NFATC2IP: variants seen among roughly 807,000 people sequenced by gnomAD.
The protein encoded by NFATC2IP is nuclear factor of activated T cells 2 interacting protein, also known as NFATC2-interacting protein.
Under a neutral mutation model 40.2 loss-of-function variants are expected in NFATC2IP, and 25 were observed. The observed-to-expected ratio is 0.62, with a 90% confidence interval of 0.45 to 0.87. NFATC2IP has a LOEUF of 0.87. NFATC2IP is among the 40% of genes least tolerant of loss of function. NFATC2IP has a pLI of 0.00. For synonymous variants in NFATC2IP, 241 were observed against 236.3 expected, an observed-to-expected ratio of 1.02 and a Z score of -0.18; for missense variants, 553 against 555.6, an observed-to-expected ratio of 1.00 and a Z score of 0.05.
In NFATC2IP at chr16:28,966,444, T is replaced by TAAAAAAAAAAAAAA. The variant is rs869184973; in HGVS notation, c.*2589_*2602dup. ...GGCAACACAGCGAGACCTTGTCTCTTAAAAAAAAAAAAAAAAAAAAATGAG... is the reference window on the plus strand; with the variant it reads ...GGCAACACAGCGAGACCTTGTCTCTTAAAAAAAAAAAAAAAAAAAAAAAAAAAAAAAAAAATGAG... On this transcript the variant is annotated 3_prime_UTR_variant, in exon 8 of 8. Coordinates refer to ENST00000320805, the MANE Select transcript of NFATC2IP (RefSeq NM_032815.4). 4.1e-5 allele frequency: 5 copies of TAAAAAAAAAAAAAA among 122,100 alleles called. No individual in the cohort carries two copies. Among genetic ancestry groups the TAAAAAAAAAAAAAA allele is most frequent in the African/African-American group, 1.6e-4 (5 of 31,536 alleles). 7.6% of individuals were successfully genotyped at this position (122,100 alleles called of 1,614,324 possible). A position where few individuals can be genotyped will look rare whatever the true frequency, so the allele number is the denominator to read the frequency against.
At position 28,951,229 on chromosome 16, in the gene NFATC2IP, TGGAGCCCCC is replaced by T. The variant is rs954180735; in HGVS notation, c.230_238del (p.Glu77_Pro79del). The stretch of plus-strand genomic sequence containing the variant: ...CGCGGTGCCGCGGACGAGGTTGAGG[TGGAGCCCCC>T]GGAGCCCCCGGGGCCGGTCGCGTCC... On this transcript the variant is annotated inframe_deletion, in exon 1 of 8. Coordinates refer to ENST00000320805, the MANE Select transcript of NFATC2IP (RefSeq NM_032815.4). 1.7e-5 allele frequency: 26 copies of T among 1,521,388 alleles called. No individual in the cohort carries two copies. Among genetic ancestry groups the T allele is most frequent in the Middle Eastern group, 3.4e-4 (2 of 5,914 alleles). 94.2% of individuals were successfully genotyped at this position (1,521,388 alleles called of 1,614,324 possible).
chr16:28,958,728 G>C lies in NFATC2IP; in HGVS notation c.858G>C (p.Leu286=). The C allele has an allele frequency of 6.2e-7, 1 of 1,612,348 alleles. No individual in the cohort carries two copies. The change falls in exon 6 of 8, where the codon CTG becomes CTC. Residue 286 remains leucine (L), a synonymous_variant. Coordinates refer to ENST00000320805, the MANE Select transcript of NFATC2IP (RefSeq NM_032815.4). ...GTCCCCATCCCTAGTCGGAGCCCCT[G>C]CAGAGTGTGGTGGACCACATGGCCA... ...VRLPLRMSEP[L]QSVVDHMATH...
At position 28,954,660 on chromosome 16, in the gene NFATC2IP, G is replaced by T. The variant is rs965077170; in HGVS notation, c.556G>T (p.Glu186Ter). 1.2e-6 allele frequency: 2 copies of T among 1,613,268 alleles called. No homozygotes were observed. Among genetic ancestry groups the T allele is most frequent in the Non-Finnish European group, 1.7e-6 (2 of 1,179,462 alleles). ...AAAGCTGAGGACTAAGGATAAAGAA[G>T]AGAAGAAAAAGACAGAGTTTCTGTG... Reference protein sequence around the residue: ...KTKLRTKDKEEKKKTEFLDLD... With the variant: ...KTKLRTKDKE Residue 186 changes from glutamate to a stop codon, truncating the protein, a stop_gained, in exon 3 of 8, where the codon GAG (glutamate) becomes TAG (stop). Transcript: ENST00000320805. LOFTEE classifies it high-confidence loss of function.
chr16:28,960,537 CCTCT>C lies in NFATC2IP; in HGVS notation c.1101+1450_1101+1453del, dbSNP rs146797833. On this transcript the variant is annotated intron_variant, in intron 7 of 7. Coordinates refer to ENST00000320805, the MANE Select transcript of NFATC2IP (RefSeq NM_032815.4). ...GTATGGTCCATTCTGGGACAAAATT[CCTCT>C]CTCTCTCTCTCTGCGGACCCGTGAA... Among the ~76,000 whole-genome samples the C allele has an allele frequency of 1.3e-4, 20 of 150,266 alleles. No individual in the cohort carries two copies. In the East Asian group the frequency reaches 1.6e-3, roughly 12 times the overall value.
chr16:28,963,655 C>A, intron 7 of NFATC2IP, 50 bp from the exon 8 acceptor site: 1 of 1,566,654 alleles, frequency 6.4e-7, no homozygotes, highest in Non-Finnish European at 8.8e-7. Context: ...CCTACGGGAT[C>A]CCCGCCCCCT....
At chr16:28,961,726 C>G (rs887363279) in intron 7 of NFATC2IP, among the ~76,000 whole-genome samples, 1 of 151,924 alleles carries the variant, frequency 6.6e-6, no homozygotes, top group Non-Finnish European at 1.5e-5. Context: ...TGGTGAAACC[C>G]TGTCTCTACT....
chr16:28,961,982 C>T (rs1299597271), intron 7 of NFATC2IP, among the ~76,000 whole-genome samples: 1 of 151,940 alleles, frequency 6.6e-6, no homozygotes, highest in South Asian at 2.1e-4. Context: ...TGGCTTACCA[C>T]AGCCTCAAAC....
intron 7 of NFATC2IP, among the ~76,000 whole-genome samples, chr16:28,963,177 C>G (rs528101724): frequency 6.6e-6 from 1 of 152,180 alleles, no homozygotes; most frequent in African/African-American, 2.4e-5. Context: ...CCAGTACAAC[C>G]TCAACTTGAT....
At position 28,956,039 on chromosome 16, in the gene NFATC2IP, C is replaced by G; in HGVS notation, c.640C>G (p.Arg214Gly). Residue 214 changes from arginine (R) to glycine (G), a missense_variant, in exon 4 of 8, where the codon CGG becomes GGG. Transcript: ENST00000320805. ...SPRTKSRTHT[R>G]ALKKLSEVNK... ...AAGGACCAAAAGCAGAACGCATACTCGGGCACTCAAGAAGTTAAGGTGCCA... is the reference window on the plus strand; with the variant it reads ...AAGGACCAAAAGCAGAACGCATACTGGGGCACTCAAGAAGTTAAGGTGCCA... The G allele has an allele frequency of 6.2e-7, 1 of 1,614,120 alleles. No homozygotes were observed. Among genetic ancestry groups the G allele is most frequent in the Non-Finnish European group, 8.5e-7 (1 of 1,180,008 alleles).
chr16:28,961,344 A>G (rs1229883443), intron 7 of NFATC2IP, among the ~76,000 whole-genome samples: 1 of 150,800 alleles, frequency 6.6e-6, no homozygotes, highest in Non-Finnish European at 1.5e-5. Context: ...AAAAAAAAAA[A>G]AAAAAAAAAA....
chr16:28,959,182 G>A, intron 7 of NFATC2IP, 82 bp downstream of exon 7: 1 of 862,362 alleles, frequency 1.2e-6, no homozygotes. Context: ...ATGGAGGATG[G>A]ATTCCCCTAA....
intron 2 of NFATC2IP, among the ~76,000 whole-genome samples, chr16:28,954,123 C>T (rs187087588): frequency 2.0e-5 from 3 of 152,156 alleles, no homozygotes; most frequent in Admixed American, 6.5e-5. Flanking sequence ...TCAGCCCCCT[C>T]GCCCTCCACA....
At chr16:28,951,691 T>G (rs62037422) in intron 1 of NFATC2IP, among the ~76,000 whole-genome samples, 1 of 151,620 alleles carries the variant, frequency 6.6e-6, no homozygotes, top group Non-Finnish European at 1.5e-5. Flanking sequence ...GGAGAGGGAC[T>G]GGGAGGACCT....
At chr16:28,959,989 G>C (rs1490678230) in intron 7 of NFATC2IP, among the ~76,000 whole-genome samples, 1 of 152,144 alleles carries the variant, frequency 6.6e-6, no homozygotes, top group Admixed American at 6.6e-5. Flanking sequence ...GTGTTGGCAG[G>C]GCCTGGTTCC....
In NFATC2IP at chr16:28,951,151, C is replaced by T; in HGVS notation, c.140C>T (p.Ser47Phe). The T allele has an allele frequency of 1.3e-6, 2 of 1,546,234 alleles. No homozygotes were observed. The highest frequency in any genetic ancestry group is 2.4e-5 in the South Asian group (2 of 83,724). ...TCCCGGGGCACGCTGGACGTAGTGT[C>T]TGTGGACTTGGTCACCGACAGCGAT... ...SPSRGTLDVV[S>F]VDLVTDSDEE... is the part of the protein sequence containing the mutation. Residue 47 changes from serine (S) to phenylalanine (F), a missense_variant, in exon 1 of 8, where the codon TCT becomes TTT. Physicochemically the swap from Ser to Phe is radical, Grantham distance 155 (BLOSUM62 -2). Transcript: ENST00000320805.
At chr16:28,961,900 A>G in intron 7 of NFATC2IP, among the ~76,000 whole-genome samples, 1 of 57,822 alleles carries the variant, frequency 1.7e-5, no homozygotes, top group Non-Finnish European at 3.2e-5. Context: ...ACTTCGTCTC[A>G]AAAAAAAAAA....
Position 28,951,339 on chromosome 16 carries a change from C to A in NFATC2IP, c.328C>A (p.Arg110=). The change falls in exon 1 of 8, where the codon CGG becomes AGG. Residue 110 remains arginine, a synonymous_variant. Coordinates refer to ENST00000320805, the MANE Select transcript of NFATC2IP (RefSeq NM_032815.4). ...AGPPREPVRR[R]RRLVLDPGEA... Reference sequence around the variant, plus strand: ...ACCCCCGCGGGAGCCGGTCAGGCGGCGGCGGCGGCTGGTGCTGGATCCGGG... The same window carrying A: ...ACCCCCGCGGGAGCCGGTCAGGCGGAGGCGGCGGCTGGTGCTGGATCCGGG... The A allele has an allele frequency of 7.1e-7, 1 of 1,402,650 alleles. No individual in the cohort carries two copies. Among genetic ancestry groups the A allele is most frequent in the South Asian group, 1.6e-5 (1 of 62,044 alleles). The allele number at this position is 1,402,650 out of a possible 1,614,324, so 86.9% of individuals were successfully genotyped here. A position where few individuals can be genotyped will look rare whatever the true frequency, so the allele number is the denominator to read the frequency against.
chr16:28,955,173 GAC>G (rs1965007111), intron 3 of NFATC2IP, among the ~76,000 whole-genome samples: 1 of 152,098 alleles, frequency 6.6e-6, no homozygotes, highest in Non-Finnish European at 1.5e-5. Context: ...CAGCCTGGGT[GAC>G]AGAGTGAGAC....
Position 28,954,646 on chromosome 16 carries a change from C to G in NFATC2IP, c.542C>G (p.Thr181Ser). The change falls in exon 3 of 8, where the codon ACT (threonine) becomes AGT (serine). Residue 181 changes from threonine to serine, a missense_variant. By Grantham distance (58) the Thr-to-Ser change is moderately conservative. Transcript: ENST00000320805. The part of the protein sequence containing the change: ...PGSPWKTKLR[T>S]KDKEEKKKTE... Reference sequence around the variant, plus strand: ...TCTCCCTGGAAGACAAAGCTGAGGACTAAGGATAAAGAAGAGAAGAAAAAG... The same window carrying G: ...TCTCCCTGGAAGACAAAGCTGAGGAGTAAGGATAAAGAAGAGAAGAAAAAG... The G allele has an allele frequency of 6.2e-7, 1 of 1,613,640 alleles. No individual in the cohort carries two copies.
Sources: allele counts gnomAD v4.1 joint callset (sites outside exome capture counted in the v4.1 genomes callset), GRCh38; gene constraint gnomAD v4.1.1; transcripts MANE v1.5; gene names NCBI Gene and HGNC (gene_info 2026-07-23, HGNC 2026-07-21).